The following NRXN1 variants were observed in gnomAD, a reference collection of about 807,000 sequenced individuals.
NRXN1 encodes neurexin-1.
NRXN1 carries 39 observed loss-of-function variants against 150.9 expected under a neutral mutation model. The observed-to-expected ratio is 0.26, with a 90% confidence interval of 0.20 to 0.34. The LOEUF is 0.34. Ranked by LOEUF, NRXN1 falls within the 10% of genes least tolerant of loss-of-function variation. The probability of loss-of-function intolerance (pLI) is 1.00; values close to 1 mark genes in which losing one functional copy is unlikely to be tolerated. For synonymous variants in NRXN1, 924 were observed against 757.0 expected (o/e 1.22, Z -3.62); for missense variants, 1,815 against 1,949.9 (o/e 0.93, Z 1.30).
chr2:50,755,137 G>T (rs182216750), intron 5 of NRXN1, among the ~76,000 whole-genome samples: 255 of 151,840 alleles, frequency 1.7e-3, no homozygotes, highest in Non-Finnish European at 2.2e-3. Context: ...GAGCCTTCTT[G>T]AGAACTGCTC....
At chr2:50,628,827 C>A (rs79483902) in intron 5 of NRXN1, among the ~76,000 whole-genome samples, 1,627 of 151,092 alleles carry the variant, frequency 0.011, 12 homozygotes, top group Admixed American at 0.019. Context: ...ACAACAACAA[C>A]AAAAAACAAA....
intron 5 of NRXN1, among the ~76,000 whole-genome samples, chr2:50,806,918 T>C (rs954912394): frequency 6.6e-6 from 1 of 152,192 alleles, no homozygotes; most frequent in African/African-American, 2.4e-5. Flanking sequence ...TTGTGTTACA[T>C]TCCCAATTTA....
At chr2:50,050,442 G>A (rs978797584) in intron 21 of NRXN1, among the ~76,000 whole-genome samples, 1 of 151,962 alleles carries the variant, frequency 6.6e-6, no homozygotes, top group Admixed American at 6.6e-5. Context: ...GTGGCTCAGT[G>A]TTATCACTGA....
chr2:50,851,570 C>A (rs545141154), intron 5 of NRXN1, among the ~76,000 whole-genome samples: 4 of 152,166 alleles, frequency 2.6e-5, no homozygotes, highest in African/African-American at 9.6e-5. Flanking sequence ...TCCAGCTACT[C>A]CTGTACATCA....
intron 2 of NRXN1, among the ~76,000 whole-genome samples, chr2:50,972,920 G>T (rs901617730): frequency 4.6e-4 from 70 of 152,196 alleles, no homozygotes; most frequent in African/African-American, 1.6e-3. Flanking sequence ...ACTGCCATCT[G>T]CCTTCTTAGC....
intron 17 of NRXN1, among the ~76,000 whole-genome samples, chr2:50,263,118 G>C (rs572652018): frequency 1.3e-5 from 2 of 151,004 alleles, no homozygotes; most frequent in South Asian, 4.2e-4. Flanking sequence ...AGACTACATG[G>C]CAAGGTGATG....
At chr2:49,960,195 G>C (rs1409573926) in intron 21 of NRXN1, among the ~76,000 whole-genome samples, 1 of 152,134 alleles carries the variant, frequency 6.6e-6, no homozygotes, top group Admixed American at 6.5e-5. Context: ...TAGCTTTCAA[G>C]CATTCAACTG....
intron 8 of NRXN1, among the ~76,000 whole-genome samples, chr2:50,610,601 C>T (rs1677878339): frequency 7.3e-6 from 1 of 136,354 alleles, no homozygotes; most frequent in African/African-American, 2.7e-5. Context: ...CTATGTGCCC[C>T]AGTGTCTAGC....
chr2:50,376,188 A>C (rs2080480932), intron 17 of NRXN1, among the ~76,000 whole-genome samples: 2 of 152,006 alleles, frequency 1.3e-5, no homozygotes, highest in East Asian at 1.9e-4. Context: ...CTTCTAAAAA[A>C]CCTAGAAAAC....
At position 50,875,166 on chromosome 2, in the gene NRXN1, C is replaced by T. The variant is rs181100260; in HGVS notation, c.832+46703G>A. 1.9e-3 allele frequency among the ~76,000 whole-genome samples: 282 copies of T among 151,824 alleles called. 1 individual carries two copies. Among genetic ancestry groups the T allele is most frequent in the African/African-American group, 6.2e-3 (258 of 41,508 alleles). On this transcript the variant is annotated intron_variant, in intron 5 of 22. Transcript: ENST00000401669. Reference sequence around the variant, plus strand: ...TGTTTCTTTTGTTGTTTTGAGAGAACATATTTACAACTTAATTTTCTTAAG... The same window carrying T: ...TGTTTCTTTTGTTGTTTTGAGAGAATATATTTACAACTTAATTTTCTTAAG...
At chr2:49,984,147 A>G (rs568246880) in intron 21 of NRXN1, among the ~76,000 whole-genome samples, 1 of 152,284 alleles carries the variant, frequency 6.6e-6, no homozygotes, top group African/African-American at 2.4e-5. Context: ...AGTGCGGTCA[A>G]TAGAGTGAGA....
intron 21 of NRXN1, among the ~76,000 whole-genome samples, chr2:49,987,745 C>A (rs1225707645): frequency 7.2e-6 from 1 of 138,546 alleles, no homozygotes; most frequent in Non-Finnish European, 1.6e-5. Flanking sequence ...TAAATTTATT[C>A]TAGATGAAAC....
intron 17 of NRXN1, among the ~76,000 whole-genome samples, chr2:50,296,540 T>C (rs1248373830): frequency 6.8e-6 from 1 of 146,486 alleles, no homozygotes; most frequent in African/African-American, 2.7e-5. Flanking sequence ...TTATTATCAT[T>C]ATTATTATTA....
At chr2:50,089,345 G>C (rs921430622) in intron 19 of NRXN1, among the ~76,000 whole-genome samples, 1 of 152,174 alleles carries the variant, frequency 6.6e-6, no homozygotes, top group Non-Finnish European at 1.5e-5. Flanking sequence ...CATGAGCAAA[G>C]CCTAGACCTT....
chr2:50,738,519 A>G (rs1490514146), intron 5 of NRXN1, among the ~76,000 whole-genome samples: 3 of 152,194 alleles, frequency 2.0e-5, no homozygotes, highest in Non-Finnish European at 4.4e-5. Flanking sequence ...TCTGAGCAAT[A>G]ATAGAAGAAT....
At chr2:50,443,006 C>G (rs2086095217) in intron 17 of NRXN1, among the ~76,000 whole-genome samples, 1 of 151,982 alleles carries the variant, frequency 6.6e-6, no homozygotes, top group Admixed American at 6.6e-5. Context: ...TTCACGGGAG[C>G]CAGATTGGAG....
At chr2:50,234,358 G>A (rs373714810) in intron 18 of NRXN1, among the ~76,000 whole-genome samples, 1 of 152,142 alleles carries the variant, frequency 6.6e-6, no homozygotes, top group East Asian at 1.9e-4. Context: ...GCTGGGCGTG[G>A]TGGTGGGCAC....
chr2:50,589,025 A>G (rs1361763690), intron 8 of NRXN1: 1 of 152,212 alleles, frequency 6.6e-6, no homozygotes, highest in East Asian at 1.9e-4. Context: ...ATGGGAAATT[A>G]TCCCGAAGCC....
At chr2:50,245,969 T>A (rs1466442939) in intron 17 of NRXN1, among the ~76,000 whole-genome samples, 1 of 151,942 alleles carries the variant, frequency 6.6e-6, no homozygotes, top group African/African-American at 2.4e-5. Context: ...CTAATTCTTA[T>A]TTAGAAAAAT....
Sources: allele counts gnomAD v4.1 joint callset (sites outside exome capture counted in the v4.1 genomes callset), GRCh38; gene constraint gnomAD v4.1.1; transcripts MANE v1.5; gene names NCBI Gene and HGNC (gene_info 2026-07-23, HGNC 2026-07-21).